The following AMOTL2 variants were observed in gnomAD, a reference collection of about 807,000 sequenced individuals.
The protein encoded by AMOTL2 is angiomotin-like protein 2.
A neutral mutation model predicts 78.4 loss-of-function variants in AMOTL2; 33 were observed. That is an observed-to-expected ratio of 0.42 (90% CI 0.32 to 0.56). The LOEUF (loss-of-function observed/expected upper bound fraction) is 0.56. Ranked by LOEUF, AMOTL2 falls within the 20% of genes least tolerant of loss-of-function variation. AMOTL2 has a pLI of 0.12. For missense variants in AMOTL2, 983 were observed against 1,030.1 expected (o/e 0.95, Z 0.63); for synonymous variants, 422 against 428.8 (o/e 0.98, Z 0.20).
At chr3:134,358,415 G>C (rs566408647) in intron 9 of AMOTL2, 125 bp downstream of exon 9, 28 of 1,196,194 alleles carry the variant, frequency 2.3e-5, no homozygotes, top group African/African-American at 7.7e-5. Flanking sequence ...GGCTATGCAC[G>C]GCTCCCCATG....
In AMOTL2 at chr3:134,360,454, T is replaced by C. The variant is rs761337309; in HGVS notation, c.1576-41A>G. On this transcript the variant is annotated intron_variant, in intron 6 of 9. Coordinates refer to ENST00000249883, the MANE Select transcript of AMOTL2 (RefSeq NM_016201.4). Reference sequence around the variant, plus strand: ...TAGAGACCGTGGTCAAGGGTGCAGGTTGGGGTGTGGCAGCCACTGGTCTTC... The same window carrying C: ...TAGAGACCGTGGTCAAGGGTGCAGGCTGGGGTGTGGCAGCCACTGGTCTTC... The C allele has an allele frequency of 4.5e-6, 7 of 1,565,950 alleles. No homozygotes were observed. The South Asian group carries it at 7.0e-5, about 16-fold the overall frequency.
rs1320493195 is a variant in AMOTL2, at chr3:134,371,321, G to A, written c.113C>T (p.Ala38Val). 1.9e-6 allele frequency: 3 copies of A among 1,612,134 alleles called. No homozygotes were observed. Among genetic ancestry groups the A allele is most frequent in the Non-Finnish European group, 2.5e-6 (3 of 1,180,028 alleles). Residue 38 changes from alanine to valine, a missense_variant, in exon 2 of 10, where the codon GCC becomes GTC. By Grantham distance (64) the Ala-to-Val change is moderately conservative. Transcript: ENST00000249883. ...TRTLLAIQQQ[A>V]LRGGAGTGGT... ...CCCAGTTCCAGCCCCACCCCTCAGG[G>A]CCTGCTGCTGGATGGCTAGCAGCGT...
At chr3:134,371,522 G>T (rs1314897892) in intron 1 of AMOTL2, 28 bp from the exon 2 acceptor site, 2 of 1,568,254 alleles carry the variant, frequency 1.3e-6, no homozygotes, top group South Asian at 2.2e-5. Flanking sequence ...GAGAGAGAGA[G>T]AAAAGCAATC....
chr3:134,374,414 G>T lies in AMOTL2; in HGVS notation c.-134C>A. 2 of 985,332 alleles carry T rather than the reference G, an allele frequency of 2.0e-6. No homozygotes were observed. Among genetic ancestry groups the T allele is most frequent in the Non-Finnish European group, 2.4e-6 (2 of 829,926 alleles). 61.0% of individuals were successfully genotyped at this position (985,332 alleles called of 1,614,324 possible). A position where few individuals can be genotyped will look rare whatever the true frequency, so the allele number is the denominator to read the frequency against. ...GCTCGGCCCAGCTCAGCTCGGCGGC[G>T]AAGATGTGTTCTCGGCCGTGGCGCC... On this transcript the variant is annotated 5_prime_UTR_variant, in exon 1 of 10. Coordinates refer to ENST00000249883, the MANE Select transcript of AMOTL2 (RefSeq NM_016201.4).
At position 134,371,054 on chromosome 3, in the gene AMOTL2, T is replaced by C. The variant is rs1375547280; in HGVS notation, c.380A>G (p.His127Arg). The change falls in exon 2 of 10, where the codon CAT (histidine) becomes CGT (arginine). Residue 127 changes from histidine to arginine, a missense_variant. Transcript: ENST00000249883. ...YAAQQAGTRP[H>R]AGDRDPRGAP... is the part of the protein sequence containing the mutation. ...CCCACGGGGATCTCGGTCCCCCGCATGTGGCCGGGTCCCTGCCTGCTGGGC... is the reference window on the plus strand; with the variant it reads ...CCCACGGGGATCTCGGTCCCCCGCACGTGGCCGGGTCCCTGCCTGCTGGGC... 1.2e-6 allele frequency: 2 copies of C among 1,609,514 alleles called. No individual in the cohort carries two copies. The highest frequency in any genetic ancestry group is 1.7e-5 in the Admixed American group (1 of 59,394).
In AMOTL2 at chr3:134,359,402, A is replaced by G; in HGVS notation, c.1985T>C (p.Leu662Pro). 1 of 1,614,196 alleles carries G rather than the reference A, an allele frequency of 6.2e-7. No individual in the cohort carries two copies. The highest frequency in any genetic ancestry group is 8.5e-7 in the Non-Finnish European group (1 of 1,180,028). Reference protein sequence around the residue: ...RDPGKAIQGSLRPAKSVPSVF... With the variant: ...RDPGKAIQGSPRPAKSVPSVF... ...AGATGGCACCGACTTGGCAGGCCGC[A>G]GGGAGCCCTGGATGGCCTTGCCAGG... The change falls in exon 8 of 10, where the codon CTG becomes CCG. Residue 662 changes from leucine (L) to proline (P), a missense_variant. Transcript: ENST00000249883.
In AMOTL2 at chr3:134,362,718, T is replaced by C. The variant is rs544482427; in HGVS notation, c.1280-911A>G. Among the ~76,000 whole-genome samples, 6 of 152,342 alleles carry C rather than the reference T, an allele frequency of 3.9e-5. No individual in the cohort carries two copies. The South Asian group carries it at 6.2e-4, about 16-fold the overall frequency. On this transcript the variant is annotated intron_variant, in intron 5 of 9. Coordinates refer to ENST00000249883, the MANE Select transcript of AMOTL2 (RefSeq NM_016201.4). ...AGAAACTGCTCAGAGGCCCTCTCCA[T>C]AGGGCCAGGAGAAGCCCAAGCCAGA...
chr3:134,372,887 G>A (rs919651613), intron 1 of AMOTL2, among the ~76,000 whole-genome samples: 1 of 113,302 alleles, frequency 8.8e-6, no homozygotes, highest in African/African-American at 3.4e-5. Flanking sequence ...GGGATCCAGG[G>A]AAAACTAAAC....
intron 6 of AMOTL2, 70 bp from the exon 7 acceptor site, chr3:134,360,483 TC>T: frequency 7.6e-7 from 1 of 1,307,386 alleles, no homozygotes; most frequent in Non-Finnish European, 1.1e-6. Context: ...GGTCTTCGCC[TC>T]CACACGACTG....
rs200336077 is a variant in AMOTL2, at chr3:134,371,345, G to A, written c.89C>T (p.Thr30Met). The change falls in exon 2 of 10, where the codon ACG (threonine) becomes ATG (methionine). Residue 30 changes from threonine (T) to methionine (M), a missense_variant. Physicochemically the swap from Thr to Met is moderately conservative, Grantham distance 81. Coordinates refer to ENST00000249883, the MANE Select transcript of AMOTL2 (RefSeq NM_016201.4). ...LRYGNLTETR[T>M]LLAIQQQALR... is the part of the protein sequence containing the mutation. The stretch of plus-strand genomic sequence containing the variant: ...GGCCTGCTGCTGGATGGCTAGCAGC[G>A]TGCGCGTCTCAGTCAGGTTGCCGTA... The A allele has an allele frequency of 6.1e-5, 99 of 1,611,154 alleles. No individual in the cohort carries two copies. The South Asian group carries it at 6.4e-4, about 10-fold the overall frequency.
intron 5 of AMOTL2, among the ~76,000 whole-genome samples, chr3:134,365,091 C>A (rs1401853879): frequency 1.3e-5 from 2 of 152,128 alleles, no homozygotes; most frequent in Non-Finnish European, 2.9e-5. Flanking sequence ...CTAGGGCCAC[C>A]CCCGTTGTTC....
At chr3:134,364,290 G>A (rs564051404) in intron 5 of AMOTL2, among the ~76,000 whole-genome samples, 1 of 152,138 alleles carries the variant, frequency 6.6e-6, no homozygotes, top group East Asian at 1.9e-4. Context: ...AAGATTAATG[G>A]CTCCAGCGAG....
chr3:134,371,143 C>T lies in AMOTL2; in HGVS notation c.291G>A (p.Gln97=), dbSNP rs766442905. 7.4e-6 allele frequency: 12 copies of T among 1,613,742 alleles called. No homozygotes were observed. The Admixed American group carries it at 1.7e-4, about 22-fold the overall frequency. The part of the protein sequence containing the change: ...AENTLYRLCP[Q]PSKGEELPTY... ...TGGGCAGCTCCTCTCCCTTGCTGGG[C>T]TGTGGGCATAGCCGGTAGAGGGTGT... Residue 97 remains glutamine (Q), a synonymous_variant, in exon 2 of 10, where the codon CAG becomes CAA. Transcript: ENST00000249883.
At chr3:134,370,446 C>G (rs1327500632) in intron 2 of AMOTL2, among the ~76,000 whole-genome samples, 1 of 152,206 alleles carries the variant, frequency 6.6e-6, no homozygotes, top group Non-Finnish European at 1.5e-5. Flanking sequence ...TCTGGGGACT[C>G]TAGTTACTTG....
Position 134,370,986 on chromosome 3 carries a change from G to C in AMOTL2, c.448C>G (p.Leu150Val). The change falls in exon 2 of 10, where the codon CTG (leucine) becomes GTG (valine). Residue 150 changes from leucine to valine, a missense_variant. Physicochemically the swap from Leu to Val is conservative, Grantham distance 32. Transcript: ENST00000249883. Reference protein sequence around the residue: ...SRRQDEALRELRHGHVRSLSE... With the variant: ...SRRQDEALREVRHGHVRSLSE... ...AACGAGCGCACGTGCCCATGCCTCA[G>C]CTCCCGCAGGGCCTCGTCCTGCCTC... is the stretch of plus-strand genomic sequence containing the variant. 1.9e-6 allele frequency: 3 copies of C among 1,604,666 alleles called. No homozygotes were observed. Among genetic ancestry groups the C allele is most frequent in the Non-Finnish European group, 2.6e-6 (3 of 1,175,630 alleles).
In AMOTL2 at chr3:134,367,668, T is replaced by C. The variant is rs190406163; in HGVS notation, c.870A>G (p.Pro290=). ...CACTCACTGGCCCCTCCACAGCAGGTGGACTGAGGGAGCTCAGGGGGCCAT... is the reference window on the plus strand; with the variant it reads ...CACTCACTGGCCCCTCCACAGCAGGCGGACTGAGGGAGCTCAGGGGGCCAT... The part of the protein sequence containing the change: ...LGHGPLSSLS[P]PAVEGPVSAQ... The change falls in exon 3 of 10, where the codon CCA becomes CCG. Residue 290 remains proline, a synonymous_variant. Transcript: ENST00000249883. The C allele has an allele frequency of 4.2e-4, 683 of 1,613,246 alleles. 2 individuals are homozygous for C. Among genetic ancestry groups the C allele is most frequent in the Non-Finnish European group, 2.1e-4 (252 of 1,179,968 alleles).
intron 5 of AMOTL2, among the ~76,000 whole-genome samples, chr3:134,363,458 G>T (rs994201236): frequency 1.3e-5 from 2 of 152,228 alleles, no homozygotes; most frequent in Non-Finnish European, 2.9e-5. Context: ...CGTTCAGTTT[G>T]CCCAGGGCCT....
intron 5 of AMOTL2, among the ~76,000 whole-genome samples, chr3:134,364,224 G>A (rs976523029): frequency 5.3e-5 from 8 of 152,076 alleles, no homozygotes. Flanking sequence ...GGGCGGGCCG[G>A]GAGCGGAACA....
At chr3:134,364,506 C>T (rs1315500587) in intron 5 of AMOTL2, among the ~76,000 whole-genome samples, 1 of 152,066 alleles carries the variant, frequency 6.6e-6, no homozygotes, top group Non-Finnish European at 1.5e-5. Context: ...CCAGACTCCT[C>T]AGGGAAACCC....
Sources: allele counts gnomAD v4.1 joint callset (sites outside exome capture counted in the v4.1 genomes callset), GRCh38; gene constraint gnomAD v4.1.1; transcripts MANE v1.5; gene names NCBI Gene and HGNC (gene_info 2026-07-23, HGNC 2026-07-21).